The following MXRA5 variants were observed in gnomAD, a reference collection of about 807,000 sequenced individuals.
The protein encoded by MXRA5 is matrix remodeling associated 5, also known as matrix-remodeling-associated protein 5.
In MXRA5, 41 loss-of-function variants were observed where a neutral mutation model predicts 112.5. That is an observed-to-expected ratio of 0.36 (90% CI 0.28 to 0.47). The LOEUF is 0.47. Ranked by LOEUF, MXRA5 falls within the 20% of genes least tolerant of loss-of-function variation. The pLI is 0.99. For synonymous variants in MXRA5, 862 were observed against 900.8 expected (o/e 0.96, Z 0.77); for missense variants, 2,150 against 2,251.0 (o/e 0.96, Z 0.91).
rs1921400531 is a variant in MXRA5, at chrX:3,324,318, T to C, written c.1367A>G (p.Tyr456Cys). 1.7e-6 allele frequency: 2 copies of C among 1,209,644 alleles called. No individual in the cohort carries two copies. The highest frequency in any genetic ancestry group is 3.5e-5 in the African/African-American group (2 of 57,102). ...STAKKVLLSY[Y>C]TQYSQTISTK... is the part of the protein sequence containing the mutation. ...GGATATTGTTTGAGAATACTGGGTG[T>C]AGTAGGAAAGTAGCACCTTCTTGGC... Residue 456 changes from tyrosine (Y) to cysteine (C), a missense_variant, in exon 5 of 7, where the codon TAC becomes TGC. By Grantham distance (194) the Tyr-to-Cys change is radical. Coordinates refer to ENST00000217939, the MANE Select transcript of MXRA5 (RefSeq NM_015419.4).
intron 6 of MXRA5, among the ~76,000 whole-genome samples, chrX:3,316,110 C>T (rs374081429): frequency 1.5e-5 from 1 of 64,917 alleles, no homozygotes; most frequent in East Asian, 4.6e-4. Flanking sequence ...GTCAGGAGAT[C>T]GAGACCATCC....
At chrX:3,344,978 A>AAAC (rs1922073334) in intron 1 of MXRA5, among the ~76,000 whole-genome samples, 3 of 104,919 alleles carry the variant, frequency 2.9e-5, no homozygotes, top group African/African-American at 1.1e-4. Context: ...AACAAACAAA[A>AAAC]CAAAATTAGC....
rs1241489893 is a variant in MXRA5 at position 3,324,564 on chromosome X, T to C, written c.1121A>G (p.Tyr374Cys). The change falls in exon 5 of 7, where the codon TAT becomes TGT. Residue 374 changes from tyrosine (Y) to cysteine (C), a missense_variant. Coordinates refer to ENST00000217939, the MANE Select transcript of MXRA5 (RefSeq NM_015419.4). The part of the protein sequence containing the change: ...DFECPMTREN[Y>C]EKLWKLIAYY... ...TGCTATCAATTTCCATAGCTTTTCA[T>C]AGTTTTCTCGGGTCATTGGACACTC... 2 of 1,211,510 alleles carry C rather than the reference T, an allele frequency of 1.7e-6. No homozygotes were observed. Among genetic ancestry groups the C allele is most frequent in the Admixed American group, 4.3e-5 (2 of 46,000 alleles).
rs147141994 is a variant in MXRA5 at position 3,322,660 on chromosome X, C to G, written c.3025G>C (p.Val1009Leu). 6.0e-5 allele frequency: 72 copies of G among 1,209,798 alleles called. No homozygotes were observed. The highest frequency in any genetic ancestry group is 7.9e-5 in the Non-Finnish European group (71 of 895,167). The change falls in exon 5 of 7, where the codon GTT becomes CTT. Residue 1009 changes from valine to leucine, a missense_variant. Val to Leu is a conservative substitution (Grantham distance 32). Transcript: ENST00000217939. ...AACTGTGATGTACTGGAGTCATTAA[C>G]CCAGATGGTGGGGGTTGGAGTAAGG... is the stretch of plus-strand genomic sequence containing the variant. ...AHLTPTPTIW[V>L]NDSSTSQLFE...
At position 3,322,880 on chromosome X, in the gene MXRA5, G is replaced by T. The variant is rs1224549087; in HGVS notation, c.2805C>A (p.Thr935=). Residue 935 remains threonine, a synonymous_variant, in exon 5 of 7, where the codon ACC becomes ACA. Transcript: ENST00000217939. The stretch of plus-strand genomic sequence containing the variant: ...AACCCTCTGTTGCCGTCTCTTCATG[G>T]GTGGGCTTTTCATAGACTGTGTCTA... ...HTLDTVYEKP[T]HEETATEGWS... The T allele has an allele frequency of 7.4e-6, 9 of 1,211,332 alleles. No homozygotes were observed. The South Asian group carries it at 1.6e-4, about 21-fold the overall frequency.
At chrX:3,336,743 C>T (rs1341396064) in intron 2 of MXRA5, among the ~76,000 whole-genome samples, 1 of 112,387 alleles carries the variant, frequency 8.9e-6, no homozygotes, top group Non-Finnish European at 1.9e-5. Flanking sequence ...AGATCAGCTT[C>T]GTATGTGCCT....
rs766280671 is a variant in MXRA5 at position 3,310,362 on chromosome X, T to A, written c.7841A>T (p.Tyr2614Phe). The A allele has an allele frequency of 9.1e-6, 11 of 1,205,210 alleles. No individual in the cohort carries two copies. The highest frequency in any genetic ancestry group is 1.0e-5 in the Non-Finnish European group (9 of 891,497). ...SGLSSVDAGAYRCVARNAAGH... is the reference protein window; with the variant it reads ...SGLSSVDAGAFRCVARNAAGH... ...AGCGGCATTGCGGGCCACGCAGCGG[T>A]AGGCCCCGGCGTCCACCGAGGAGAG... Residue 2614 changes from tyrosine to phenylalanine, a missense_variant, in exon 7 of 7, where the codon TAC (tyrosine) becomes TTC (phenylalanine). Coordinates refer to ENST00000217939, the MANE Select transcript of MXRA5 (RefSeq NM_015419.4).
At position 3,319,991 on chromosome X, in the gene MXRA5, A is replaced by G. The variant is rs1308449977; in HGVS notation, c.5677+17T>C. On this transcript the variant is annotated intron_variant, in intron 5 of 6. Coordinates refer to ENST00000217939, the MANE Select transcript of MXRA5 (RefSeq NM_015419.4). ...AATTGACCAAAAAAAAAAAAAGTAGATGCTTAAACATCTTACCTGTGGAAA... is the reference window on the plus strand; with the variant it reads ...AATTGACCAAAAAAAAAAAAAGTAGGTGCTTAAACATCTTACCTGTGGAAA... The G allele has an allele frequency of 1.8e-6, 2 of 1,115,040 alleles. No individual in the cohort carries two copies. Among genetic ancestry groups the G allele is most frequent in the Non-Finnish European group, 2.4e-6 (2 of 835,891 alleles). 91.9% of individuals were successfully genotyped at this position (1,115,040 alleles called of 1,213,427 possible). A position where few individuals can be genotyped will look rare whatever the true frequency, so the allele number is the denominator to read the frequency against.
intron 2 of MXRA5, among the ~76,000 whole-genome samples, chrX:3,340,300 A>G (rs1921884602): frequency 9.0e-6 from 1 of 111,699 alleles, no homozygotes; most frequent in Non-Finnish European, 1.9e-5. Context: ...ACACAAATCA[A>G]TCTCTGAGTT....
rs1921270615 is a variant in MXRA5 at position 3,320,583 on chromosome X, A to G, written c.5102T>C (p.Val1701Ala). The change falls in exon 5 of 7, where the codon GTG becomes GCG. Residue 1701 changes from valine (V) to alanine (A), a missense_variant. Val to Ala is a moderately conservative substitution (Grantham distance 64, BLOSUM62 0). Coordinates refer to ENST00000217939, the MANE Select transcript of MXRA5 (RefSeq NM_015419.4). The stretch of plus-strand genomic sequence containing the variant: ...CTCAGGGATGTTGTTATTTCCAAAC[A>G]CTTTGGAGTAGCCATTGAATTGGTC... ...RTDQFNGYSK[V>A]FGNNNIPEAR... 2 of 1,211,766 alleles carry G rather than the reference A, an allele frequency of 1.7e-6. No homozygotes were observed. The highest frequency in any genetic ancestry group is 2.2e-6 in the Non-Finnish European group (2 of 895,355).
chrX:3,324,635 C>T lies in MXRA5; in HGVS notation c.1050G>A (p.Thr350=), dbSNP rs746719096. ...MDVYKIHLNQ[T]DPPDIDINAT... is the part of the protein sequence containing the mutation. ...CATTTATGTCAATATCTGGAGGATCCGTTTGGTTCAAGTGAATCTTGTACA... is the reference window on the plus strand; with the variant it reads ...CATTTATGTCAATATCTGGAGGATCTGTTTGGTTCAAGTGAATCTTGTACA... Residue 350 remains threonine, a synonymous_variant, in exon 5 of 7, where the codon ACG becomes ACA. Coordinates refer to ENST00000217939, the MANE Select transcript of MXRA5 (RefSeq NM_015419.4). The T allele has an allele frequency of 5.8e-6, 7 of 1,210,523 alleles. No homozygotes were observed. Among genetic ancestry groups the T allele is most frequent in the East Asian group, 5.9e-5 (2 of 33,824 alleles).
At chrX:3,325,475 T>C (rs1375879714) in intron 4 of MXRA5, among the ~76,000 whole-genome samples, 1 of 105,715 alleles carries the variant, frequency 9.5e-6, no homozygotes, top group Non-Finnish European at 1.9e-5. Context: ...TCTATCTCAA[T>C]ATATACAAAT....
At chrX:3,343,955 A>G (rs2146935404) in intron 1 of MXRA5, 94 bp from the exon 2 acceptor site, 1 of 709,125 alleles carries the variant, frequency 1.4e-6, no homozygotes, top group Admixed American at 3.4e-5. Flanking sequence ...CAGGGTTTCA[A>G]GCTTCCCAGG....
At chrX:3,313,474 G>T (rs1261112288) in intron 6 of MXRA5, among the ~76,000 whole-genome samples, 2 of 111,536 alleles carry the variant, frequency 1.8e-5, no homozygotes, top group African/African-American at 6.5e-5. Flanking sequence ...TGGTCAGGCT[G>T]GTCTTGAACT....
intron 6 of MXRA5, among the ~76,000 whole-genome samples, chrX:3,315,391 T>TGATAGATAGATAGAGA (rs1921082978): frequency 1.8e-5 from 1 of 56,708 alleles, no homozygotes; most frequent in African/African-American, 8.2e-5. Flanking sequence ...GATAGATAGA[T>TGATAGATAGATAGAGA]GATAGATAGA....
intron 6 of MXRA5, among the ~76,000 whole-genome samples, chrX:3,315,395 A>AGGTAGAAG (rs1569181363): frequency 2.0e-4 from 12 of 61,210 alleles, no homozygotes; most frequent in Non-Finnish European, 2.7e-4. Context: ...GATAGATGAT[A>AGGTAGAAG]GATAGATAGA....
chrX:3,318,115 G>C, intron 5 of MXRA5, 112 bp from the exon 6 acceptor site: 1 of 591,615 alleles, frequency 1.7e-6, no homozygotes. Flanking sequence ...GGCAGCAAAA[G>C]CAAATGTAGT....
rs752672636 is a variant in MXRA5, at chrX:3,324,117, G to A, written c.1568C>T (p.Ala523Val). The A allele has an allele frequency of 1.6e-5, 19 of 1,209,003 alleles. 1 individual carries two copies. In the South Asian group the frequency reaches 1.6e-4, roughly 10 times the overall value. Reference sequence around the variant, plus strand: ...CTTGCTGTCTGGGTCATCCATGGGCGCTTTCAGGATGGAGCCATCTGGAAG... The same window carrying A: ...CTTGCTGTCTGGGTCATCCATGGGCACTTTCAGGATGGAGCCATCTGGAAG... ...WVLPDGSILKAPMDDPDSKFS... is the reference protein window; with the variant it reads ...WVLPDGSILKVPMDDPDSKFS... Residue 523 changes from alanine to valine, a missense_variant, in exon 5 of 7, where the codon GCG becomes GTG. Physicochemically the swap from Ala to Val is moderately conservative, Grantham distance 64. Transcript: ENST00000217939.
chrX:3,332,534 G>A (rs1352147134), intron 2 of MXRA5, among the ~76,000 whole-genome samples: 8 of 112,328 alleles, frequency 7.1e-5, no homozygotes, highest in African/African-American at 2.3e-4. Flanking sequence ...GTGAGCCACC[G>A]CGCCCGGCCA....
Sources: allele counts gnomAD v4.1 joint callset (sites outside exome capture counted in the v4.1 genomes callset), GRCh38; gene constraint gnomAD v4.1.1; transcripts MANE v1.5; gene names NCBI Gene and HGNC (gene_info 2026-07-23, HGNC 2026-07-21).